The following SEMA6D variants were observed in gnomAD, a reference collection of about 807,000 sequenced individuals.
SEMA6D encodes the protein semaphorin-6D.
Under a neutral mutation model 106.6 loss-of-function variants are expected in SEMA6D, and 35 were observed. That is an observed-to-expected ratio of 0.33 (90% CI 0.25 to 0.44). The LOEUF (loss-of-function observed/expected upper bound fraction) is 0.44. SEMA6D is among the 20% of genes least tolerant of loss of function. The pLI is 1.00. For synonymous variants in SEMA6D, 499 were observed against 487.7 expected, an observed-to-expected ratio of 1.02 and a Z score of -0.31; for missense variants, 1,185 against 1,345.9, an observed-to-expected ratio of 0.88 and a Z score of 1.87.
chr15:47,615,037 G>A (rs1481229449), intron 4 of SEMA6D, among the ~76,000 whole-genome samples: 1 of 152,134 alleles, frequency 6.6e-6, no homozygotes, highest in Non-Finnish European at 1.5e-5. Context: ...TAGGGAATAA[G>A]CCTGAAATGA....
intron 4 of SEMA6D, among the ~76,000 whole-genome samples, chr15:47,671,105 A>G (rs751938330): frequency 8.5e-5 from 13 of 152,226 alleles, no homozygotes; most frequent in African/African-American, 1.2e-4. Context: ...AACTCAAAGC[A>G]AATCTCATTA....
chr15:47,552,555 C>A (rs373763420), intron 3 of SEMA6D, among the ~76,000 whole-genome samples: 13 of 124,420 alleles, frequency 1.0e-4, no homozygotes, highest in Admixed American at 4.1e-4. Context: ...CACACACACA[C>A]ACATATGGCA....
At chr15:47,657,481 C>A (rs570779249) in intron 4 of SEMA6D, among the ~76,000 whole-genome samples, 1 of 151,998 alleles carries the variant, frequency 6.6e-6, no homozygotes, top group Middle Eastern at 3.4e-3. Context: ...TAACTTTGAA[C>A]TAGGGATTAC....
At chr15:47,701,689 A>G (rs1421402829) in intron 4 of SEMA6D, among the ~76,000 whole-genome samples, 5 of 152,236 alleles carry the variant, frequency 3.3e-5, no homozygotes, top group Admixed American at 3.3e-4. Flanking sequence ...TGTTCCAGAA[A>G]GAAGGTGAAA....
intron 4 of SEMA6D, among the ~76,000 whole-genome samples, chr15:47,640,256 C>G (rs7163692): frequency 0.28 from 42,383 of 152,022 alleles, 7,182 homozygotes; most frequent in East Asian, 0.45. Context: ...GGAAAGATTC[C>G]CATGCACGAG....
At chr15:47,198,144 C>T (rs1894485772) in intron 1 of SEMA6D, among the ~76,000 whole-genome samples, 1 of 152,038 alleles carries the variant, frequency 6.6e-6, no homozygotes, top group African/African-American at 2.4e-5. Flanking sequence ...AAATTGATCT[C>T]ATAGATGTGG....
intron 2 of SEMA6D, among the ~76,000 whole-genome samples, chr15:47,451,496 T>C (rs1396580594): frequency 6.6e-6 from 1 of 151,946 alleles, no homozygotes; most frequent in Non-Finnish European, 1.5e-5. Context: ...ATATAAGTGC[T>C]GGATGGGCCT....
chr15:47,517,098 G>A (rs927323534), intron 3 of SEMA6D, among the ~76,000 whole-genome samples: 4 of 152,094 alleles, frequency 2.6e-5, no homozygotes, highest in Non-Finnish European at 4.4e-5. Context: ...GGACAGTAGT[G>A]TTTTTAGTTC....
intron 4 of SEMA6D, among the ~76,000 whole-genome samples, chr15:47,704,707 A>C (rs558880211): frequency 6.7e-6 from 1 of 148,612 alleles, no homozygotes; most frequent in Non-Finnish European, 1.5e-5. Context: ...CAACAGAGCC[A>C]GACCCTGTCT....
At chr15:47,716,928 G>C (rs2079131159), upstream of SEMA6D, 1 of 134,164 alleles carries the variant, frequency 7.5e-6, no homozygotes, top group Admixed American at 7.5e-5. Context: ...GAGAAATGGG[G>C]GGCGGGGGGG....
intron 4 of SEMA6D, among the ~76,000 whole-genome samples, chr15:47,604,866 A>T (rs200861592): frequency 3.5e-5 from 5 of 144,208 alleles, no homozygotes; most frequent in African/African-American, 1.0e-4. Flanking sequence ...TGCCTGGCTA[A>T]TTTTTTTTTT....
chr15:47,202,899 C>T (rs1277190664), intron 1 of SEMA6D, among the ~76,000 whole-genome samples: 1 of 152,126 alleles, frequency 6.6e-6, no homozygotes, highest in South Asian at 2.1e-4. Context: ...GAAGGAATTT[C>T]TGGGATGTAG....
chr15:47,617,122 C>T (rs1455333730), intron 4 of SEMA6D, among the ~76,000 whole-genome samples: 1 of 152,162 alleles, frequency 6.6e-6, no homozygotes, highest in Non-Finnish European at 1.5e-5. Context: ...ACCTTGATCT[C>T]CTGGTTAGTC....
At chr15:47,329,224 A>T (rs1001092337) in intron 1 of SEMA6D, among the ~76,000 whole-genome samples, 6 of 152,214 alleles carry the variant, frequency 3.9e-5, no homozygotes, top group African/African-American at 1.4e-4. Context: ...AAGGAACTGC[A>T]GGATGCTTGT....
At chr15:47,257,865 A>G (rs2033888495) in intron 1 of SEMA6D, among the ~76,000 whole-genome samples, 1 of 152,196 alleles carries the variant, frequency 6.6e-6, no homozygotes, top group Non-Finnish European at 1.5e-5. Context: ...GTTCCCAACT[A>G]TAATTGTAGA....
intron 1 of SEMA6D, among the ~76,000 whole-genome samples, chr15:47,371,548 T>C (rs776043453): frequency 4.6e-5 from 7 of 152,096 alleles, no homozygotes; most frequent in Non-Finnish European, 7.4e-5. Flanking sequence ...CCAGGAAGGG[T>C]AGAAGGAAGA....
intron 1 of SEMA6D, among the ~76,000 whole-genome samples, chr15:47,318,900 C>A (rs941482434): frequency 6.6e-6 from 1 of 151,568 alleles, no homozygotes. Context: ...TAAAAGTGTT[C>A]CTATTTCTCC....
chr15:47,352,018 C>T (rs577113444), intron 1 of SEMA6D, among the ~76,000 whole-genome samples: 18 of 152,162 alleles, frequency 1.2e-4, no homozygotes, highest in Admixed American at 3.9e-4. Context: ...TGTCCTCTTG[C>T]TGAAGGAGTA....
intron 3 of SEMA6D, among the ~76,000 whole-genome samples, chr15:47,488,853 C>T (rs541955113): frequency 4.6e-5 from 7 of 152,206 alleles, no homozygotes; most frequent in African/African-American, 1.7e-4. Flanking sequence ...TCTTAGGGTC[C>T]TGTCGATTGT....
Sources: allele counts gnomAD v4.1 joint callset (sites outside exome capture counted in the v4.1 genomes callset), GRCh38; gene constraint gnomAD v4.1.1; transcripts MANE v1.5; gene names NCBI Gene and HGNC (gene_info 2026-07-23, HGNC 2026-07-21).